The following PYGB variants were observed in gnomAD, a reference collection of about 807,000 sequenced individuals.
The protein encoded by PYGB is glycogen phosphorylase, brain form.
PYGB carries 82 observed loss-of-function variants against 94.3 expected under a neutral mutation model. The observed-to-expected ratio is 0.87, with a 90% confidence interval of 0.73 to 1.04. The LOEUF is 1.04. Among genes scored for constraint, PYGB ranks in the 50% least tolerant of loss-of-function variants. The probability of loss-of-function intolerance (pLI) is 0.00; values close to 1 mark genes in which losing one functional copy is unlikely to be tolerated. For synonymous variants in PYGB, 488 were observed against 479.1 expected (o/e 1.02, Z -0.24); for missense variants, 1,132 against 1,158.2 (o/e 0.98, Z 0.33).
intron 2 of PYGB, among the ~76,000 whole-genome samples, chr20:25,267,682 C>A (rs990835428): frequency 3.9e-5 from 6 of 152,156 alleles, no homozygotes; most frequent in African/African-American, 1.2e-4. Flanking sequence ...AGGCGTGCAC[C>A]ACCGTACCCA....
intron 16 of PYGB, 133 bp from the exon 17 acceptor site, chr20:25,292,273 G>A: frequency 9.4e-7 from 1 of 1,068,084 alleles, no homozygotes; most frequent in Non-Finnish European, 1.3e-6. Context: ...AGTGGGGGCT[G>A]GAGCGGGGCC....
At chr20:25,257,609 A>G (rs2092905167) in intron 1 of PYGB, among the ~76,000 whole-genome samples, 1 of 152,174 alleles carries the variant, frequency 6.6e-6, no homozygotes, top group Non-Finnish European at 1.5e-5. Context: ...CGCGAGGATC[A>G]CTTGAGGCCA....
intron 1 of PYGB, among the ~76,000 whole-genome samples, chr20:25,252,427 GCTGT>G (rs1273524143): frequency 1.3e-5 from 2 of 152,296 alleles, no homozygotes; most frequent in Non-Finnish European, 2.9e-5. Context: ...CCGTTCTGAT[GCTGT>G]CTACCTAGAT....
intron 4 of PYGB, among the ~76,000 whole-genome samples, chr20:25,271,854 C>CT (rs2088271233): frequency 1.3e-5 from 2 of 152,250 alleles, no homozygotes; most frequent in Admixed American, 6.5e-5. Context: ...CAGGGTGGTA[C>CT]TTTCGGGGTC....
At chr20:25,294,953 G>T in intron 18 of PYGB, 1 of 1,613,958 alleles carries the variant, frequency 6.2e-7, no homozygotes, top group Non-Finnish European at 8.5e-7. Context: ...TTCGATGACC[G>T]TGTCACCTGT....
chr20:25,288,556 C>A, intron 15 of PYGB, 73 bp downstream of exon 15: 1 of 1,510,014 alleles, frequency 6.6e-7, no homozygotes, highest in Non-Finnish European at 9.1e-7. Context: ...CTGCACGCTT[C>A]TCATGGTGCC....
rs749233688 is a variant in PYGB, at chr20:25,295,625, T to C, written c.2334T>C (p.Tyr778=). The part of the protein sequence containing the change: ...HHDRFKVFAD[Y]EAYMQCQAQV... Reference sequence around the variant, plus strand: ...CCAGGTTCAAGGTGTTTGCAGACTATGAAGCCTACATGCAGTGCCAGGCAC... The same window carrying C: ...CCAGGTTCAAGGTGTTTGCAGACTACGAAGCCTACATGCAGTGCCAGGCAC... The change falls in exon 19 of 20, where the codon TAT becomes TAC. Residue 778 remains tyrosine (Y), a synonymous_variant. Coordinates refer to ENST00000216962, the MANE Select transcript of PYGB (RefSeq NM_002862.4). 3.1e-6 allele frequency: 5 copies of C among 1,614,058 alleles called. No individual in the cohort carries two copies. In the South Asian group the frequency reaches 4.4e-5, roughly 14 times the overall value.
Position 25,279,047 on chromosome 20 carries a change from CG to C in PYGB, c.1000-9del. On this transcript the variant is annotated splice_polypyrimidine_tract_variant and intron_variant, in intron 8 of 19. Transcript: ENST00000216962. The stretch of plus-strand genomic sequence containing the variant: ...AAATGACTGAATGGCACCCCTTGTG[CG>C]ACCTTCAGGTGGCCATCCAGCTGAA... 6.2e-7 allele frequency: 1 copy of C among 1,605,394 alleles called. No individual in the cohort carries two copies. Among genetic ancestry groups the C allele is most frequent in the Non-Finnish European group, 8.5e-7 (1 of 1,173,436 alleles).
At chr20:25,295,730 G>C (rs972134576) in intron 19 of PYGB, 60 bp downstream of exon 19, 1 of 1,507,144 alleles carries the variant, frequency 6.6e-7, no homozygotes, top group Non-Finnish European at 9.2e-7. Context: ...TAGACGTGTT[G>C]GGTCAGATTG....
intron 17 of PYGB, among the ~76,000 whole-genome samples, chr20:25,293,616 C>T (rs2088495176): frequency 6.6e-6 from 1 of 152,220 alleles, no homozygotes; most frequent in East Asian, 1.9e-4. Flanking sequence ...CCTGTGCTCC[C>T]TTTCTGCGCC....
intron 1 of PYGB, among the ~76,000 whole-genome samples, chr20:25,249,138 T>C (rs976667027): frequency 6.6e-6 from 1 of 152,262 alleles, no homozygotes; most frequent in African/African-American, 2.4e-5. Flanking sequence ...TTGTCCCCGT[T>C]ACTCTTAACC....
chr20:25,289,896 A>G (rs2088450388), intron 15 of PYGB: 1 of 533,424 alleles, frequency 1.9e-6, no homozygotes, highest in African/African-American at 1.9e-5. Context: ...AAAGCATTGG[A>G]CAGGAGTCCT....
intron 15 of PYGB, 179 bp downstream of exon 15, chr20:25,288,662 G>GGC: frequency 1.4e-6 from 1 of 699,624 alleles, no homozygotes; most frequent in South Asian, 1.9e-5. Context: ...AGAATGGGAT[G>GGC]GAAGCCTCCT....
chr20:25,268,157 A>ACCGGCC (rs1555806039), intron 2 of PYGB, among the ~76,000 whole-genome samples: 1 of 28,350 alleles, frequency 3.5e-5, no homozygotes, highest in East Asian at 5.2e-4. Context: ...AAATCCTAGC[A>ACCGGCC]CCCGCCCCCC....
intron 1 of PYGB, 129 bp from the exon 2 acceptor site, chr20:25,259,108 T>G (rs1005949906): frequency 2.4e-6 from 2 of 836,902 alleles, no homozygotes; most frequent in Non-Finnish European, 3.7e-6. Flanking sequence ...CAAGCCCAGT[T>G]TTTGTGCATG....
chr20:25,260,092 C>T (rs2092910225), intron 2 of PYGB, among the ~76,000 whole-genome samples: 3 of 152,140 alleles, frequency 2.0e-5, no homozygotes, highest in African/African-American at 4.8e-5. Flanking sequence ...TCAACATTGC[C>T]TGGGGCTCCG....
In PYGB at chr20:25,278,463, G is replaced by A; in HGVS notation, c.999+1G>A. 2 of 1,614,118 alleles carry A rather than the reference G, an allele frequency of 1.2e-6. No homozygotes were observed. Among genetic ancestry groups the A allele is most frequent in the Non-Finnish European group, 1.7e-6 (2 of 1,179,968 alleles). On this transcript the variant is annotated splice_donor_variant, in intron 8 of 19. Transcript: ENST00000216962. LOFTEE classifies it high-confidence loss of function. ...CTGTTTCGAGACGTTCCCAGACAAGGTGCATGGTGGCCCTGGGAGGGATCT... is the reference window on the plus strand; with the variant it reads ...CTGTTTCGAGACGTTCCCAGACAAGATGCATGGTGGCCCTGGGAGGGATCT...
intron 2 of PYGB, among the ~76,000 whole-genome samples, chr20:25,264,190 A>C (rs2092919476): frequency 6.6e-6 from 1 of 152,214 alleles, no homozygotes; most frequent in South Asian, 2.1e-4. Context: ...TGATTATCTC[A>C]ATTGATGCAG....
intron 19 of PYGB, 98 bp downstream of exon 19, chr20:25,295,768 G>T: frequency 7.3e-7 from 1 of 1,376,996 alleles, no homozygotes; most frequent in South Asian, 1.2e-5. Context: ...GTAGATTCTT[G>T]GCCTGGGCCA....
Sources: allele counts gnomAD v4.1 joint callset (sites outside exome capture counted in the v4.1 genomes callset), GRCh38; gene constraint gnomAD v4.1.1; transcripts MANE v1.5; gene names NCBI Gene and HGNC (gene_info 2026-07-23, HGNC 2026-07-21).